Variants in ARSG observed in about 807,000 individuals in gnomAD.
ARSG encodes arylsulfatase G, also known as ASG.
ARSG carries 37 observed loss-of-function variants against 50.5 expected under a neutral mutation model. The ratio of observed to expected loss-of-function variants is 0.73; its 90% confidence interval spans 0.56 to 0.96. ARSG has a LOEUF of 0.96. ARSG is among the 50% of genes least tolerant of loss of function. The probability of loss-of-function intolerance (pLI) is 0.00; values close to 1 mark genes in which losing one functional copy is unlikely to be tolerated. For missense variants in ARSG, 629 were observed against 675.3 expected, an observed-to-expected ratio of 0.93 and a Z score of 0.76; for synonymous variants, 225 against 254.6, an observed-to-expected ratio of 0.88 and a Z score of 1.11.
chr17:68,444,671 T>C, the ARSG span: 3 of 1,185,032 alleles, frequency 2.5e-6, no homozygotes, highest in East Asian at 7.1e-5. Flanking sequence ...ATCTTTCATA[T>C]GAGTCCTAAC....
In ARSG at chr17:68,393,867, C is replaced by CA. The variant is rs762829963; in HGVS notation, c.1092-1192dup. Among the ~76,000 whole-genome samples, 271 of 106,096 alleles carry CA rather than the reference C, an allele frequency of 2.6e-3. 1 individual carries two copies. Among genetic ancestry groups the CA allele is most frequent in the East Asian group, 9.9e-3 (37 of 3,730 alleles). 69.6% of individuals were successfully genotyped at this position (106,096 alleles called of 152,430 possible). On this transcript the variant is annotated intron_variant, in intron 9 of 11. Transcript: ENST00000621439. ...TGGGCAACAGAACAAGACTCCATCT[C>CA]AAAAAAAAAAAAAAGGGAAAGAAAA...
intron 10 of ARSG, among the ~76,000 whole-genome samples, chr17:68,397,689 C>T (rs1296025022): frequency 2.0e-5 from 3 of 152,142 alleles, no homozygotes; most frequent in Admixed American, 6.5e-5. Flanking sequence ...TGTGTGCATA[C>T]GTCTATACAT....
intron 11 of ARSG, 31 bp from the exon 12 acceptor site, chr17:68,420,158 A>C: frequency 6.2e-7 from 1 of 1,609,838 alleles, no homozygotes; most frequent in Non-Finnish European, 8.5e-7. Context: ...TGTCAGGGTT[A>C]GCGAGGCATT....
At chr17:68,371,079 G>A (rs1161267119) in intron 8 of ARSG, among the ~76,000 whole-genome samples, 3 of 152,080 alleles carry the variant, frequency 2.0e-5, no homozygotes, top group Admixed American at 2.0e-4. Flanking sequence ...CCAGCACTTT[G>A]GGAAGCCCAG....
At chr17:68,451,724 C>CA in the ARSG span, among the ~76,000 whole-genome samples, 2 of 152,200 alleles carry the variant, frequency 1.3e-5, no homozygotes. Flanking sequence ...GTACTCCCCC[C>CA]ACCCCCTATC....
intron 6 of ARSG, among the ~76,000 whole-genome samples, chr17:68,360,679 T>C (rs928986756): frequency 1.3e-5 from 2 of 152,324 alleles, no homozygotes; most frequent in Admixed American, 6.5e-5. Flanking sequence ...GCATGACTCC[T>C]GGGTCACAGA....
rs782246397 is a variant in ARSG at position 68,277,382 on chromosome 17, G to A, written c.-552+17956G>A. 9.9e-4 allele frequency among the ~76,000 whole-genome samples: 151 copies of A among 151,838 alleles called. 1 individual carries two copies. The highest frequency in any genetic ancestry group is 1.9e-3 in the Non-Finnish European group (128 of 67,960). On this transcript the variant is annotated intron_variant, in intron 1 of 11. Transcript: ENST00000448504. ...CCTGACCTCGTGATCCACCTGCCTC[G>A]GCTTTCCAAAGTGCTGGGATTACAG...
In ARSG at chr17:68,381,549, A is replaced by G. The variant is rs140615052; in HGVS notation, c.983-3515A>G. ...TAGAAGTTTCATTTATGGATTGTCT[A>G]TTGTTCTTACTATGACTTATAAGGT... is the stretch of plus-strand genomic sequence containing the variant. On this transcript the variant is annotated intron_variant, in intron 8 of 11. Coordinates refer to ENST00000621439, the MANE Select transcript of ARSG (RefSeq NM_001267727.2). This position sits in a 1 kb window ranked among gnomAD's most constrained non-coding sequence, Gnocchi z 4.1. Among the ~76,000 whole-genome samples, 23 of 149,944 alleles carry G rather than the reference A, an allele frequency of 1.5e-4. No individual in the cohort carries two copies. The highest frequency in any genetic ancestry group is 7.9e-4 in the East Asian group (4 of 5,078).
intron 9 of ARSG, among the ~76,000 whole-genome samples, chr17:68,388,217 G>A: frequency 6.6e-6 from 1 of 152,296 alleles, no homozygotes; most frequent in African/African-American, 2.4e-5. Flanking sequence ...GGTTTCAGTA[G>A]TTTTAACTTA....
chr17:68,346,713 G>A, intron 3 of ARSG: 2 of 1,232,180 alleles, frequency 1.6e-6, no homozygotes. Context: ...CAGGAAGCGG[G>A]CATTTCTGAG....
At chr17:68,280,693 A>T (rs553036509) in intron 1 of ARSG, among the ~76,000 whole-genome samples, 2 of 152,374 alleles carry the variant, frequency 1.3e-5, no homozygotes, top group African/African-American at 4.8e-5. Flanking sequence ...ACTAGAAGAA[A>T]ACATAGGGGA....
chr17:68,384,395 C>T (rs927820610), intron 8 of ARSG, among the ~76,000 whole-genome samples: 7 of 152,228 alleles, frequency 4.6e-5, no homozygotes, highest in Non-Finnish European at 8.8e-5. Flanking sequence ...CCTTTAATAA[C>T]CAAGGTGGAA....
At chr17:68,297,423 A>T (rs2076245937) in intron 1 of ARSG, among the ~76,000 whole-genome samples, 1 of 152,208 alleles carries the variant, frequency 6.6e-6, no homozygotes, top group Non-Finnish European at 1.5e-5. Context: ...AACGTTGAAA[A>T]TGTAAACTGA....
At chr17:68,348,739 G>A (rs2078623508) in intron 4 of ARSG, among the ~76,000 whole-genome samples, 1 of 152,122 alleles carries the variant, frequency 6.6e-6, no homozygotes, top group Non-Finnish European at 1.5e-5. Flanking sequence ...TTGATTAAAA[G>A]CTTGGGTTGG....
intron 5 of ARSG, among the ~76,000 whole-genome samples, chr17:68,353,527 A>G (rs1050433628): frequency 6.6e-6 from 1 of 152,126 alleles, no homozygotes; most frequent in African/African-American, 2.4e-5. Flanking sequence ...AAACAAAAAC[A>G]AAAACAAAAA....
intron 1 of ARSG, among the ~76,000 whole-genome samples, chr17:68,304,394 G>A (rs1555763103): frequency 3.9e-5 from 6 of 152,208 alleles, no homozygotes; most frequent in Non-Finnish European, 1.5e-5. Flanking sequence ...AGAAGAATTT[G>A]CATTTCTGAA....
At chr17:68,346,421 T>C (rs1292318034) in intron 3 of ARSG, among the ~76,000 whole-genome samples, 3 of 152,204 alleles carry the variant, frequency 2.0e-5, no homozygotes, top group South Asian at 2.1e-4. Flanking sequence ...GGTTTAATGC[T>C]GCCAGCGTCT....
At chr17:68,331,198 T>TTTCC in intron 2 of ARSG, among the ~76,000 whole-genome samples, 1 of 34,048 alleles carries the variant, frequency 2.9e-5, no homozygotes, top group Non-Finnish European at 5.4e-5. Flanking sequence ...TCTTTCTTTC[T>TTTCC]TTCTTTCTTT....
intron 2 of ARSG, among the ~76,000 whole-genome samples, chr17:68,326,732 G>A (rs1445809660): frequency 6.6e-6 from 1 of 152,160 alleles, no homozygotes; most frequent in Non-Finnish European, 1.5e-5. Flanking sequence ...AGGGGAGAGA[G>A]CTTGGGGAGG....
Sources: allele counts gnomAD v4.1 joint callset (sites outside exome capture counted in the v4.1 genomes callset), GRCh38; gene constraint gnomAD v4.1.1; non-coding constraint Gnocchi (gnomAD v3.1); transcripts MANE v1.5; gene names NCBI Gene and HGNC (gene_info 2026-07-23, HGNC 2026-07-21).